The following ZNF536 variants were observed in gnomAD, a reference collection of about 807,000 sequenced individuals.
ZNF536 encodes the protein zinc finger protein 536.
Under a neutral mutation model 84.5 loss-of-function variants are expected in ZNF536, and 13 were observed. That is an observed-to-expected ratio of 0.15 (90% CI 0.10 to 0.24). The LOEUF is 0.24. Among genes scored for constraint, ZNF536 ranks in the 10% least tolerant of loss-of-function variants. The pLI, the probability that ZNF536 is intolerant of heterozygous loss-of-function variation, is 1.00. For missense variants in ZNF536, 1,536 were observed against 1,747.5 expected, an observed-to-expected ratio of 0.88 and a Z score of 2.16; for synonymous variants, 811 against 742.5, an observed-to-expected ratio of 1.09 and a Z score of -1.50.
At chr19:30,507,736 G>A (rs1004624728) in intron 2 of ZNF536, among the ~76,000 whole-genome samples, 3 of 152,144 alleles carry the variant, frequency 2.0e-5, no homozygotes, top group Admixed American at 2.0e-4. Context: ...TAAGTTGGAG[G>A]AAGCTAAAAT....
intron 2 of ZNF536, among the ~76,000 whole-genome samples, chr19:30,310,867 A>AG (rs2146085541): frequency 6.6e-6 from 1 of 152,340 alleles, no homozygotes; most frequent in East Asian, 1.9e-4. Context: ...AATGGGCCAC[A>AG]GGGACCATGG....
intron 1 of ZNF536, among the ~76,000 whole-genome samples, chr19:30,674,239 C>T (rs1026633193): frequency 2.6e-5 from 4 of 152,196 alleles, no homozygotes; most frequent in African/African-American, 9.6e-5. Context: ...CTCCTTAAGG[C>T]ACGTAGGCAT....
intron 2 of ZNF536, among the ~76,000 whole-genome samples, chr19:30,290,888 G>C (rs760759003): frequency 1.2e-4 from 18 of 152,132 alleles, no homozygotes; most frequent in Non-Finnish European, 1.9e-4. Flanking sequence ...TGCTCCCTGT[G>C]TCCATGTGTT....
At chr19:30,440,653 A>G (rs1370913725) in intron 1 of ZNF536, among the ~76,000 whole-genome samples, 2 of 152,166 alleles carry the variant, frequency 1.3e-5, no homozygotes, top group African/African-American at 4.8e-5. Flanking sequence ...GAAGAAAGTA[A>G]CATGTTGGGA....
intron 2 of ZNF536, among the ~76,000 whole-genome samples, chr19:30,323,555 A>G (rs933398515): frequency 2.0e-5 from 3 of 152,216 alleles, no homozygotes; most frequent in African/African-American, 4.8e-5. Context: ...TCCTGTTTAA[A>G]AAATAAACAT....
At position 30,234,773 on chromosome 19, in the gene ZNF536, A is replaced by ACGCG. The variant is rs1491175526; in HGVS notation, c.-190+6102_-190+6105dup. 5.5e-4 allele frequency among the ~76,000 whole-genome samples: 82 copies of ACGCG among 149,996 alleles called. 5 individuals are homozygous for ACGCG. Among genetic ancestry groups the ACGCG allele is most frequent in the Admixed American group, 1.8e-3 (27 of 15,108 alleles). On this transcript the variant is annotated intron_variant, in intron 1 of 5. Transcript: ENST00000585628. ...CACACACACACACACACACACACAC[A>ACGCG]CGCGCACACGCACCCCACACCACGA...
chr19:30,466,760 G>A (rs1395939560), intron 2 of ZNF536, among the ~76,000 whole-genome samples: 1 of 52,438 alleles, frequency 1.9e-5, no homozygotes, highest in Non-Finnish European at 3.2e-5. Flanking sequence ...AAGGAGGGAA[G>A]GAAGGAAGGA....
intron 1 of ZNF536, among the ~76,000 whole-genome samples, chr19:30,696,556 C>G (rs1306719333): frequency 2.6e-5 from 4 of 152,244 alleles, no homozygotes; most frequent in Non-Finnish European, 5.9e-5. Context: ...TGCACACTGG[C>G]AGGGCAGGCC....
At chr19:30,245,204 C>A (rs1161008937) in intron 1 of ZNF536, among the ~76,000 whole-genome samples, 1 of 152,248 alleles carries the variant, frequency 6.6e-6, no homozygotes, top group Non-Finnish European at 1.5e-5. Context: ...ATGCTCAGGT[C>A]CCACTCAAGT....
intron 1 of ZNF536, among the ~76,000 whole-genome samples, chr19:30,419,805 C>T (rs1428547160): frequency 1.3e-5 from 2 of 152,198 alleles, no homozygotes; most frequent in African/African-American, 4.8e-5. Flanking sequence ...CATGGCTCTC[C>T]CCATCCAGGC....
intron 2 of ZNF536, 141 bp from the exon 3 acceptor site, chr19:30,534,706 T>TCAG (rs2145927041): frequency 1.2e-6 from 1 of 861,968 alleles, no homozygotes; most frequent in Non-Finnish European, 1.7e-6. Flanking sequence ...ACATGAATTG[T>TCAG]CAGCATTCTG....
intron 1 of ZNF536, among the ~76,000 whole-genome samples, chr19:30,609,714 TCATC>T (rs1377636703): frequency 6.6e-6 from 1 of 152,028 alleles, no homozygotes; most frequent in Admixed American, 6.6e-5. Context: ...ATTCATTTAT[TCATC>T]CATCCATCCA....
At chr19:30,590,824 T>A (rs1291004332) in intron 1 of ZNF536, among the ~76,000 whole-genome samples, 1 of 152,242 alleles carries the variant, frequency 6.6e-6, no homozygotes, top group Non-Finnish European at 1.5e-5. Flanking sequence ...GGTTCCCATT[T>A]ATAAAACAAA....
At chr19:30,281,766 G>A (rs1049266585) in intron 1 of ZNF536, among the ~76,000 whole-genome samples, 1 of 152,154 alleles carries the variant, frequency 6.6e-6, no homozygotes, top group African/African-American at 2.4e-5. Context: ...TGAGGTGGGG[G>A]CTACCCAACC....
At chr19:30,563,593 G>T (rs527687085) in intron 1 of ZNF536, among the ~76,000 whole-genome samples, 1 of 152,250 alleles carries the variant, frequency 6.6e-6, no homozygotes, top group African/African-American at 2.4e-5. Context: ...GGTAAATGCC[G>T]CTGCAAAGTG....
Position 30,525,454 on chromosome 19 carries a change from C to A in ZNF536, c.2171-9393C>A, listed in dbSNP as rs369098476. Among the ~76,000 whole-genome samples, 7 of 152,190 alleles carry A rather than the reference C, an allele frequency of 4.6e-5. No homozygotes were observed. The East Asian group carries it at 1.2e-3, about 25-fold the overall frequency. On this transcript the variant is annotated intron_variant, in intron 2 of 4. Coordinates refer to ENST00000355537, the MANE Select transcript of ZNF536 (RefSeq NM_014717.3). ...ATTTGTTGAAAAAGTATTTATAAAG[C>A]ACCTGCTATGAGCTGAGGACGTCTC...
At chr19:30,599,830 C>A (rs1330472199) in intron 1 of ZNF536, among the ~76,000 whole-genome samples, 5 of 152,180 alleles carry the variant, frequency 3.3e-5, no homozygotes, top group Non-Finnish European at 7.3e-5. Flanking sequence ...TATTCATGGA[C>A]CGTCTTGTGG....
intron 2 of ZNF536, among the ~76,000 whole-genome samples, chr19:30,455,067 C>CAAAG (rs1555770919): frequency 6.6e-6 from 1 of 150,734 alleles, no homozygotes; most frequent in African/African-American, 2.5e-5. Context: ...AACAAACAAA[C>CAAAG]AAAGTTTCTA....
At chr19:30,679,036 C>T (rs1181741359) in intron 1 of ZNF536, among the ~76,000 whole-genome samples, 2 of 152,118 alleles carry the variant, frequency 1.3e-5, no homozygotes, top group African/African-American at 2.4e-5. Flanking sequence ...CCCTTCAACA[C>T]CGAGCCAGCC....
Sources: allele counts gnomAD v4.1 joint callset (sites outside exome capture counted in the v4.1 genomes callset), GRCh38; gene constraint gnomAD v4.1.1; transcripts MANE v1.5; gene names NCBI Gene and HGNC (gene_info 2026-07-23, HGNC 2026-07-21).